ANAPC10: variants seen among roughly 807,000 people sequenced by gnomAD.
ANAPC10 encodes anaphase promoting complex subunit 10.
Under a neutral mutation model 22.0 loss-of-function variants are expected in ANAPC10, and 12 were observed. The ratio of observed to expected loss-of-function variants is 0.55; its 90% CI spans 0.35 to 0.88. The LOEUF is 0.88. Among genes scored for constraint, ANAPC10 ranks in the 40% least tolerant of loss-of-function variants. The pLI, the probability that ANAPC10 is intolerant of heterozygous loss-of-function variation, is 0.01. For missense variants in ANAPC10, 188 were observed against 220.9 expected (o/e 0.85, Z 0.94); for synonymous variants, 65 against 69.5 (o/e 0.94, Z 0.32).
chr4:145,036,314 G>C (rs1160948044), intron 4 of ANAPC10, among the ~76,000 whole-genome samples: 1 of 152,164 alleles, frequency 6.6e-6, no homozygotes. Flanking sequence ...TTTAAATATA[G>C]ATACGTACAC....
chr4:144,998,648 G>C (rs7689433), intron 4 of ANAPC10, among the ~76,000 whole-genome samples: 4,137 of 152,212 alleles, frequency 0.027, 195 homozygotes, highest in African/African-American at 0.094. Flanking sequence ...AGCACTAAAT[G>C]CCCACAAGAG....
chr4:145,082,308 C>A (rs1746174796), intron 2 of ANAPC10, among the ~76,000 whole-genome samples: 1 of 152,190 alleles, frequency 6.6e-6, no homozygotes, highest in Admixed American at 6.5e-5. Context: ...CGCCACCACG[C>A]CAGACTAATT....
intron 4 of ANAPC10, among the ~76,000 whole-genome samples, chr4:145,041,602 T>C (rs1560864163): frequency 1.3e-5 from 2 of 152,314 alleles, no homozygotes; most frequent in South Asian, 2.1e-4. Context: ...CTTCCCCTTC[T>C]AGAAGGCATA....
intron 4 of ANAPC10, among the ~76,000 whole-genome samples, chr4:145,026,426 C>A (rs1736670856): frequency 6.6e-6 from 1 of 151,658 alleles, no homozygotes; most frequent in African/African-American, 2.4e-5. Context: ...GGGAAAAAAA[C>A]AGAGCAGGAA....
intron 4 of ANAPC10, chr4:145,032,930 A>G (rs563355757): frequency 5.0e-4 from 76 of 152,322 alleles, no homozygotes; most frequent in African/African-American, 1.8e-3. Flanking sequence ...CCAACCGTGG[A>G]CTCACAGAAT....
At chr4:145,024,963 T>A (rs1356251510) in intron 4 of ANAPC10, among the ~76,000 whole-genome samples, 4 of 152,202 alleles carry the variant, frequency 2.6e-5, no homozygotes, top group African/African-American at 9.6e-5. Context: ...CAGATCTGGG[T>A]AACTTGCTAC....
At chr4:145,008,764 T>A (rs1733825392) in intron 4 of ANAPC10, among the ~76,000 whole-genome samples, 1 of 152,176 alleles carries the variant, frequency 6.6e-6, no homozygotes, top group Non-Finnish European at 1.5e-5. Context: ...AAGCATTCCC[T>A]TTGAAAACTG....
At chr4:145,031,992 G>A (rs952409263) in intron 4 of ANAPC10, among the ~76,000 whole-genome samples, 15 of 152,162 alleles carry the variant, frequency 9.9e-5, no homozygotes, top group African/African-American at 2.2e-4. Context: ...GATCAGGCTC[G>A]AGCAGGTCCG....
intron 2 of ANAPC10, among the ~76,000 whole-genome samples, chr4:145,082,146 T>C (rs1387596803): frequency 6.6e-6 from 1 of 152,228 alleles, no homozygotes; most frequent in African/African-American, 2.4e-5. Context: ...AAACATCTTC[T>C]AGGAGATATT....
At chr4:145,067,498 T>C (rs1743883433) in intron 3 of ANAPC10, among the ~76,000 whole-genome samples, 1 of 152,140 alleles carries the variant, frequency 6.6e-6, no homozygotes, top group South Asian at 2.1e-4. Flanking sequence ...ATTTGCTTTG[T>C]TCCTTCAGGC....
At chr4:145,070,360 A>C (rs1329029029) in intron 3 of ANAPC10, among the ~76,000 whole-genome samples, 1 of 152,180 alleles carries the variant, frequency 6.6e-6, no homozygotes, top group African/African-American at 2.4e-5. Flanking sequence ...GAGGGAAGGG[A>C]CTTAAGCAGT....
At chr4:145,014,831 G>C (rs1560824136) in intron 4 of ANAPC10, among the ~76,000 whole-genome samples, 1 of 152,164 alleles carries the variant, frequency 6.6e-6, no homozygotes, top group African/African-American at 2.4e-5. Flanking sequence ...ACCCAGAAGA[G>C]AGACAACAAT....
intron 3 of ANAPC10, among the ~76,000 whole-genome samples, chr4:145,080,299 A>T (rs1745813403): frequency 6.6e-6 from 1 of 152,284 alleles, no homozygotes; most frequent in Admixed American, 6.5e-5. Context: ...AGCGAAAGGC[A>T]ACTTACCCAT....
chr4:145,024,445 A>G (rs1736379289), intron 4 of ANAPC10, among the ~76,000 whole-genome samples: 1 of 152,226 alleles, frequency 6.6e-6, no homozygotes, highest in Non-Finnish European at 1.5e-5. Flanking sequence ...ATAAGAATTG[A>G]AAGTTAAAAT....
At chr4:145,053,795 A>G (rs919624951) in intron 4 of ANAPC10, 37 of 647,950 alleles carry the variant, frequency 5.7e-5, no homozygotes, top group African/African-American at 3.9e-4. Flanking sequence ...AAAAAAAAAA[A>G]GGTTCCTGAC....
chr4:145,094,357 G>A (rs868742969), intron 2 of ANAPC10, among the ~76,000 whole-genome samples: 1 of 152,182 alleles, frequency 6.6e-6, no homozygotes, highest in Middle Eastern at 3.2e-3. Context: ...AAAGAGACAT[G>A]AGGGAACTTT....
chr4:145,053,302 G>C (rs1020865334), intron 4 of ANAPC10, among the ~76,000 whole-genome samples: 4 of 152,166 alleles, frequency 2.6e-5, no homozygotes, highest in Non-Finnish European at 5.9e-5. Context: ...AAAATAGATA[G>C]CTAACATATT....
chr4:145,022,827 C>CTTTT (rs1214566626), intron 4 of ANAPC10, among the ~76,000 whole-genome samples: 1 of 149,194 alleles, frequency 6.7e-6, no homozygotes, highest in African/African-American at 2.5e-5. Context: ...AAAACAGCAT[C>CTTTT]TTTTTTTTAT....
At chr4:145,039,549 T>C (rs980413168) in intron 4 of ANAPC10, among the ~76,000 whole-genome samples, 2 of 152,168 alleles carry the variant, frequency 1.3e-5, no homozygotes, top group Admixed American at 6.5e-5. Flanking sequence ...GTAAGAACTA[T>C]AGATGTATTG....
Sources: gnomAD v4.1 joint callset for allele counts (sites outside exome capture counted in the v4.1 genomes callset) on GRCh38, gnomAD v4.1.1 for gene constraint, MANE v1.5 for transcripts, NCBI Gene and HGNC (gene_info 2026-07-23, HGNC 2026-07-21) for gene names.